SPEN: variants seen among roughly 807,000 people sequenced by gnomAD.
SPEN encodes the protein msx2-interacting protein.
Under a neutral mutation model 269.9 loss-of-function variants are expected in SPEN, and 18 were observed. That is an observed-to-expected ratio of 0.07 (90% CI 0.05 to 0.10). SPEN has a LOEUF of 0.10. Ranked by LOEUF, SPEN falls within the 10% of genes least tolerant of loss-of-function variation. The probability of loss-of-function intolerance (pLI) is 1.00; values close to 1 mark genes in which losing one functional copy is unlikely to be tolerated. For missense variants in SPEN, 3,822 were observed against 4,631.2 expected, an observed-to-expected ratio of 0.83 and a Z score of 5.07; for synonymous variants, 1,726 against 1,765.7, an observed-to-expected ratio of 0.98 and a Z score of 0.56.
chr1:15,857,583 C>T (rs1557733516), intron 1 of SPEN, among the ~76,000 whole-genome samples: 1 of 152,088 alleles, frequency 6.6e-6, no homozygotes, highest in Non-Finnish European at 1.5e-5. Context: ...TCTTGAACTC[C>T]TGACCTCAAG....
intron 8 of SPEN, 32 bp from the exon 9 acceptor site, chr1:15,920,836 GCT>G: frequency 7.5e-7 from 1 of 1,325,102 alleles, no homozygotes; most frequent in East Asian, 2.4e-5. Flanking sequence ...AGTGGATGAG[GCT>G]CTTACTTGTT....
intron 1 of SPEN, among the ~76,000 whole-genome samples, chr1:15,864,454 G>T (rs1265384012): frequency 2.0e-5 from 3 of 147,888 alleles, no homozygotes; most frequent in African/African-American, 7.5e-5. Flanking sequence ...ATAGGCGTGA[G>T]CCTCTGTGCC....
At chr1:15,873,646 A>G in intron 2 of SPEN, 3 of 995,594 alleles carry the variant, frequency 3.0e-6, no homozygotes, top group Non-Finnish European at 3.6e-6. Flanking sequence ...AACCACTTGG[A>G]TTCTACAAAC....
chr1:15,859,336 T>C (rs912731034), intron 1 of SPEN, among the ~76,000 whole-genome samples: 1 of 149,706 alleles, frequency 6.7e-6, no homozygotes, highest in Non-Finnish European at 1.5e-5. Context: ...TTCATTTTCT[T>C]TTTCTGTTTT....
intron 3 of SPEN, among the ~76,000 whole-genome samples, chr1:15,879,346 T>C (rs569133693): frequency 1.2e-4 from 18 of 152,190 alleles, no homozygotes; most frequent in South Asian, 1.0e-3. Context: ...GATGGGAGTA[T>C]AATGGATCCG....
chr1:15,936,328 T>C, intron 11 of SPEN, 62 bp downstream of exon 11: 12 of 1,482,718 alleles, frequency 8.1e-6, no homozygotes, highest in African/African-American at 1.4e-5. Context: ...CTCAGCAGGC[T>C]TTTAAGCCAA....
intron 3 of SPEN, among the ~76,000 whole-genome samples, chr1:15,894,824 C>T (rs1046797966): frequency 5.3e-5 from 8 of 151,952 alleles, no homozygotes; most frequent in East Asian, 1.9e-4. Context: ...TGAGCCACCG[C>T]GCCCGGCCCA....
In SPEN at chr1:15,928,192, C is replaced by T. The variant is rs2071186190; in HGVS notation, c.1952C>T (p.Pro651Leu). ...TYPEDSRRDY[P>L]ARGREFYSEW... Reference sequence around the variant, plus strand: ...CCTGAGGATTCCAGGCGGGACTATCCAGCTCGAGGGAGAGAGTTTTATTCA... The same window carrying T: ...CCTGAGGATTCCAGGCGGGACTATCTAGCTCGAGGGAGAGAGTTTTATTCA... Residue 651 changes from proline to leucine, a missense_variant, in exon 11 of 15, where the codon CCA (proline) becomes CTA (leucine). Physicochemically the swap from Pro to Leu is moderately conservative, Grantham distance 98. Transcript: ENST00000375759. This position sits in a 1 kb window ranked among gnomAD's most constrained non-coding sequence, Gnocchi z 5.7. The T allele has an allele frequency of 1.5e-5, 24 of 1,613,990 alleles. No homozygotes were observed. In the East Asian group the frequency reaches 5.3e-4, roughly 36 times the overall value.
At chr1:15,877,093 ATAT>A (rs1485291042) in intron 3 of SPEN, among the ~76,000 whole-genome samples, 20 of 152,210 alleles carry the variant, frequency 1.3e-4, no homozygotes, top group African/African-American at 4.8e-4. Flanking sequence ...GTGAAATATA[ATAT>A]TGTTGACACA....
chr1:15,865,240 G>A (rs1447685270), intron 1 of SPEN, among the ~76,000 whole-genome samples: 6 of 151,472 alleles, frequency 4.0e-5, no homozygotes, highest in African/African-American at 1.2e-4. Flanking sequence ...TAGTAGAGAC[G>A]GGATTTCACC....
intron 10 of SPEN, among the ~76,000 whole-genome samples, chr1:15,925,133 T>C (rs1224002108): frequency 6.6e-6 from 1 of 152,220 alleles, no homozygotes; most frequent in Admixed American, 6.5e-5. Context: ...TCTAATACTC[T>C]GTCAGGTAAC....
chr1:15,882,645 A>G (rs960343718), intron 3 of SPEN, among the ~76,000 whole-genome samples: 3 of 152,148 alleles, frequency 2.0e-5, no homozygotes, highest in African/African-American at 7.2e-5. Flanking sequence ...GGGCAACAGA[A>G]CAAGACTCCA....
intron 10 of SPEN, among the ~76,000 whole-genome samples, chr1:15,923,507 A>G (rs1351467434): frequency 1.3e-5 from 2 of 152,212 alleles, no homozygotes; most frequent in Non-Finnish European, 2.9e-5. Flanking sequence ...AAAGGGCTCC[A>G]TGGCAAGATG....
intron 1 of SPEN, among the ~76,000 whole-genome samples, chr1:15,863,198 A>G (rs1196442322): frequency 6.6e-6 from 1 of 152,138 alleles, no homozygotes; most frequent in Non-Finnish European, 1.5e-5. Context: ...GCAGTGAGCC[A>G]AGATTGTGCC....
chr1:15,932,777 A>C lies in SPEN; in HGVS notation c.6537A>C (p.Ala2179=), dbSNP rs922586916. ...MELEQAVEHI[A]KLAEASASAA... Reference sequence around the variant, plus strand: ...TGGAGCAGGCCGTGGAACACATCGCAAAGCTCGCTGAGGCCTCTGCCTCTG... The same window carrying C: ...TGGAGCAGGCCGTGGAACACATCGCCAAGCTCGCTGAGGCCTCTGCCTCTG... The change falls in exon 11 of 15, where the codon GCA becomes GCC. Residue 2179 remains alanine (A), a synonymous_variant. Coordinates refer to ENST00000375759, the MANE Select transcript of SPEN (RefSeq NM_015001.3). The surrounding 1 kb of genome is among the most constrained non-coding windows in gnomAD (Gnocchi z 4.2). The C allele has an allele frequency of 1.2e-6, 2 of 1,614,194 alleles. No homozygotes were observed. The highest frequency in any genetic ancestry group is 2.7e-5 in the African/African-American group (2 of 75,062).
At chr1:15,909,907 C>T (rs1254822351) in intron 4 of SPEN, among the ~76,000 whole-genome samples, 4 of 151,854 alleles carry the variant, frequency 2.6e-5, no homozygotes, top group African/African-American at 4.8e-5. Flanking sequence ...GGGCGGATCA[C>T]GAGGTCAGGA....
rs2070284506 is a variant in SPEN, at chr1:15,847,711, G to A, written c.-357G>A. ...GGGAGTCGGGCCGCGCGCGCCAGTG[G>A]GAAGCGTCCGGCTGCCACAGCGCCA... On this transcript the variant is annotated 5_prime_UTR_variant, in exon 1 of 15. Transcript: ENST00000375759. Among the ~76,000 whole-genome samples, 2 of 151,622 alleles carry A rather than the reference G, an allele frequency of 1.3e-5. No homozygotes were observed. Among genetic ancestry groups the A allele is most frequent in the South Asian group, 2.1e-4 (1 of 4,822 alleles).
In SPEN at chr1:15,932,028, A is replaced by C. The variant is rs112713595; in HGVS notation, c.5788A>C (p.Thr1930Pro). The C allele has an allele frequency of 6.2e-7, 1 of 1,614,208 alleles. No individual in the cohort carries two copies. Among genetic ancestry groups the C allele is most frequent in the Non-Finnish European group, 8.5e-7 (1 of 1,180,046 alleles). ...VKEPVEQPRV[T>P]RKRLERELQE... Reference sequence around the variant, plus strand: ...AGAGCCCGTTGAGCAACCAAGAGTGACCAGAAAGAGATTGGAGCGAGAGCT... The same window carrying C: ...AGAGCCCGTTGAGCAACCAAGAGTGCCCAGAAAGAGATTGGAGCGAGAGCT... Residue 1930 changes from threonine (T) to proline (P), a missense_variant, in exon 11 of 15, where the codon ACC becomes CCC. Coordinates refer to ENST00000375759, the MANE Select transcript of SPEN (RefSeq NM_015001.3). The surrounding 1 kb of genome is among the most constrained non-coding windows in gnomAD (Gnocchi z 4.2).
chr1:15,938,917 G>T (rs760666399), intron 14 of SPEN, 41 bp downstream of exon 14: 1 of 1,599,342 alleles, frequency 6.3e-7, no homozygotes, highest in Non-Finnish European at 8.5e-7. Context: ...TACACCCACA[G>T]GTGGGGCTGA....
Sources: allele counts gnomAD v4.1 joint callset (sites outside exome capture counted in the v4.1 genomes callset), GRCh38; gene constraint gnomAD v4.1.1; non-coding constraint Gnocchi (gnomAD v3.1); transcripts MANE v1.5; gene names NCBI Gene and HGNC (gene_info 2026-07-23, HGNC 2026-07-21).